Variants in ITIH5 observed in about 807,000 individuals in gnomAD.
The protein encoded by ITIH5 is inter-alpha-trypsin inhibitor heavy chain 5.
A neutral mutation model predicts 77.5 loss-of-function variants in ITIH5; 65 were observed. The observed-to-expected ratio is 0.84, with a 90% CI of 0.69 to 1.03. The LOEUF (loss-of-function observed/expected upper bound fraction) is 1.03. ITIH5 is among the 50% of genes least tolerant of loss of function. The pLI is 0.00. For missense variants in ITIH5, 1,208 were observed against 1,213.1 expected (o/e 1.00, Z 0.06); for synonymous variants, 525 against 494.3 (o/e 1.06, Z -0.82).
Position 7,566,223 on chromosome 10 carries a change from ACT to A in ITIH5, c.2332_2333del (p.Ser778CysfsTer98), listed in dbSNP as rs1393593679. 8 of 1,613,456 alleles carry A rather than the reference ACT, an allele frequency of 5.0e-6. No individual in the cohort carries two copies. Among genetic ancestry groups the A allele is most frequent in the Non-Finnish European group, 6.8e-6 (8 of 1,179,766 alleles). On this transcript the variant is annotated frameshift_variant, in exon 13 of 14. Transcript: ENST00000397146. LOFTEE classifies it high-confidence loss of function. The part of the protein sequence containing the change: ...GDRLVLPCNQ[S>X]VVVGSWGLEV... ...CCAGCCCCCAGCTCCCCACCACCAC[ACT>A]CTGGTTGCAGGGGAGCACCAGTCTG...
chr10:7,590,575 A>G (rs959815429), intron 7 of ITIH5, among the ~76,000 whole-genome samples: 1 of 152,218 alleles, frequency 6.6e-6, no homozygotes, highest in Non-Finnish European at 1.5e-5. Context: ...ACTGTAACGT[A>G]TCATATACGG....
intron 1 of ITIH5, among the ~76,000 whole-genome samples, chr10:7,660,294 G>A (rs985867960): frequency 6.6e-6 from 1 of 152,222 alleles, no homozygotes; most frequent in Admixed American, 6.5e-5. Flanking sequence ...GCTTTATGAA[G>A]AAGACAGGGC....
intron 5 of ITIH5, among the ~76,000 whole-genome samples, chr10:7,627,190 G>A (rs1382729038): frequency 6.6e-6 from 1 of 152,052 alleles, no homozygotes; most frequent in African/African-American, 2.4e-5. Context: ...AATACATGCG[G>A]GGCTTAAAAC....
intron 4 of ITIH5, 111 bp from the exon 5 acceptor site, chr10:7,637,589 G>C: frequency 9.3e-7 from 1 of 1,075,380 alleles, no homozygotes; most frequent in East Asian, 2.4e-5. Context: ...CTGCCAGGGA[G>C]ACCCATGGGT....
chr10:7,582,642 G>A (rs1412718192), intron 8 of ITIH5, among the ~76,000 whole-genome samples: 1 of 152,024 alleles, frequency 6.6e-6, no homozygotes, highest in African/African-American at 2.4e-5. Flanking sequence ...ATACCATGGG[G>A]CACTATTCAG....
chr10:7,586,145 CCG>C (rs138332607), intron 7 of ITIH5, 76 bp from the exon 8 acceptor site: 281,477 of 1,266,420 alleles, frequency 0.22, 26,768 homozygotes, highest in East Asian at 0.38. Flanking sequence ...GAAACCGCCC[CCG>C]CCCCCCAGGA....
chr10:7,655,491 A>G (rs2131106522), intron 2 of ITIH5, 140 bp downstream of exon 2: 1 of 644,378 alleles, frequency 1.6e-6, no homozygotes, highest in Non-Finnish European at 2.7e-6. Flanking sequence ...AAAAGACTCA[A>G]CTATGCTGTT....
At chr10:7,582,075 C>T (rs1219648692) in intron 8 of ITIH5, among the ~76,000 whole-genome samples, 2 of 151,898 alleles carry the variant, frequency 1.3e-5, no homozygotes, top group East Asian at 1.9e-4. Flanking sequence ...ACGGGTTTCA[C>T]CATGTTGGCC....
chr10:7,578,976 T>C (rs1289976165), intron 9 of ITIH5, among the ~76,000 whole-genome samples: 1 of 152,232 alleles, frequency 6.6e-6, no homozygotes, highest in Admixed American at 6.5e-5. Context: ...AAGTATCTTT[T>C]AACTAGTACT....
intron 2 of ITIH5, among the ~76,000 whole-genome samples, chr10:7,652,394 C>T (rs951935682): frequency 2.0e-5 from 3 of 152,024 alleles, no homozygotes; most frequent in East Asian, 1.9e-4. Flanking sequence ...AGGCGCATCA[C>T]GCAGGGTTTC....
rs138176362 is a variant in ITIH5 at position 7,599,078 on chromosome 10, A to G, written c.940-13009T>C. ...CGTTTTTCTGAAAAGCTCTTTGCCAATAATATTTCTGCTATTCTTTACGAC... is the reference window on the plus strand; with the variant it reads ...CGTTTTTCTGAAAAGCTCTTTGCCAGTAATATTTCTGCTATTCTTTACGAC... On this transcript the variant is annotated intron_variant, in intron 7 of 13. Coordinates refer to ENST00000397146, the MANE Select transcript of ITIH5 (RefSeq NM_030569.7). 1.5e-3 allele frequency among the ~76,000 whole-genome samples: 228 copies of G among 152,368 alleles called. 1 individual carries two copies. Among genetic ancestry groups the G allele is most frequent in the African/African-American group, 5.3e-3 (221 of 41,592 alleles).
At position 7,628,873 on chromosome 10, in the gene ITIH5, G is replaced by GTTGTAGCGTGTGTCCA. The variant is rs1564269151; in HGVS notation, c.652+8354_652+8355insTGGACACACGCTACAA. 5.3e-4 allele frequency among the ~76,000 whole-genome samples: 32 copies of GTTGTAGCGTGTGTCCA among 60,130 alleles called. 3 individuals carry two copies. The East Asian group carries it at 0.013, about 25-fold the overall frequency. 39.4% of individuals were successfully genotyped at this position (60,130 alleles called of 152,430 possible). On this transcript the variant is annotated intron_variant, in intron 5 of 13. Transcript: ENST00000397146. ...TGTGTCCCTGTTGTAGCGTGTGTCC[G>GTTGTAGCGTGTGTCCA]TGTTGTAGCGTGTGTCCGTGTTGTG...
intron 7 of ITIH5, among the ~76,000 whole-genome samples, chr10:7,586,291 G>A (rs1316739200): frequency 3.3e-5 from 5 of 152,196 alleles, no homozygotes; most frequent in African/African-American, 4.8e-5. Flanking sequence ...AGTGCTGAAT[G>A]CCGCATCCCG....
chr10:7,604,067 C>T (rs948734833), intron 7 of ITIH5, among the ~76,000 whole-genome samples: 2 of 152,168 alleles, frequency 1.3e-5, no homozygotes, highest in Non-Finnish European at 2.9e-5. Context: ...CCAGGTTCTC[C>T]CTGGTCCAGA....
chr10:7,585,847 A>AG, intron 8 of ITIH5, 54 bp downstream of exon 8: 1 of 1,495,242 alleles, frequency 6.7e-7, no homozygotes, highest in Non-Finnish European at 9.0e-7. Context: ...AAAACCAAAA[A>AG]AAAAAACATT....
At chr10:7,637,567 C>T in intron 4 of ITIH5, 89 bp from the exon 5 acceptor site, 4 of 1,341,132 alleles carry the variant, frequency 3.0e-6, no homozygotes, top group South Asian at 1.4e-5. Context: ...CAGCCATACC[C>T]TCTCAACCAG....
At chr10:7,627,589 G>A (rs56194819) in intron 5 of ITIH5, among the ~76,000 whole-genome samples, 30,038 of 152,030 alleles carry the variant, frequency 0.2, 3,352 homozygotes, top group Non-Finnish European at 0.25. Context: ...TTGAAGATTG[G>A]CATTTTATTG....
intron 7 of ITIH5, among the ~76,000 whole-genome samples, chr10:7,607,831 A>T (rs10905201): frequency 0.61 from 93,532 of 152,208 alleles, 31,050 homozygotes; most frequent in Non-Finnish European, 0.72. Context: ...AGAAAAAAAA[A>T]ATCTTGTCTG....
chr10:7,655,607 A>C, intron 2 of ITIH5, 24 bp downstream of exon 2: 1 of 1,591,534 alleles, frequency 6.3e-7, no homozygotes, highest in African/African-American at 1.3e-5. Flanking sequence ...ATGGACTTTC[A>C]AGATGCACCA....
Sources: gnomAD v4.1 joint callset for allele counts (sites outside exome capture counted in the v4.1 genomes callset) on GRCh38, gnomAD v4.1.1 for gene constraint, MANE v1.5 for transcripts, NCBI Gene and HGNC (gene_info 2026-07-23, HGNC 2026-07-21) for gene names.